ZNF556: variants seen among roughly 807,000 people sequenced by gnomAD.
The protein encoded by ZNF556 is zinc finger protein 556.
A neutral mutation model predicts 13.6 loss-of-function variants in ZNF556; 11 were observed. That is an observed-to-expected ratio of 0.81 (90% CI 0.51 to 1.33). ZNF556 has a LOEUF of 1.33. ZNF556 is among the 40% of genes most tolerant of loss of function. The pLI, the probability that ZNF556 is intolerant of heterozygous loss-of-function variation, is 0.00. For missense variants in ZNF556, 633 were observed against 566.2 expected (o/e 1.12, Z -1.20); for synonymous variants, 229 against 207.8 (o/e 1.10, Z -0.88).
Position 2,877,902 on chromosome 19 carries a change from A to T in ZNF556, c.944A>T (p.Tyr315Phe). 2 of 1,614,162 alleles carry T rather than the reference A, an allele frequency of 1.2e-6. No individual in the cohort carries two copies. The highest frequency in any genetic ancestry group is 1.7e-6 in the Non-Finnish European group (2 of 1,180,030). The change falls in exon 4 of 4, where the codon TAT becomes TTT. Residue 315 changes from tyrosine (Y) to phenylalanine (F), a missense_variant. Tyr to Phe is a conservative substitution (Grantham distance 22). Coordinates refer to ENST00000307635, the MANE Select transcript of ZNF556 (RefSeq NM_024967.3). ...AGAATTCACAACGGGGAGAAACCCT[A>T]TAAGTGTGGAAAATGCGGGAAAGCA... is the stretch of plus-strand genomic sequence containing the variant. ...HVRIHNGEKP[Y>F]KCGKCGKAFG...
rs758094142 is a variant in ZNF556, at chr19:2,883,199, A to C, written c.*4870A>C. 6.6e-6 allele frequency: 1 copy of C among 152,200 alleles called. No individual in the cohort carries two copies. The highest frequency in any genetic ancestry group is 1.5e-5 in the Non-Finnish European group (1 of 68,028). 9.4% of individuals were successfully genotyped at this position (152,200 alleles called of 1,614,324 possible). ...CGGTGAGAGAACTAGTCAAGGAATA[A>C]CTGAAGTGAGCTGCAGACAGGATTA... On this transcript the variant is annotated 3_prime_UTR_variant, in exon 4 of 4. Coordinates refer to ENST00000307635, the MANE Select transcript of ZNF556 (RefSeq NM_024967.3).
intron 2 of ZNF556, among the ~76,000 whole-genome samples, 168 bp downstream of exon 2, chr19:2,873,790 CA>C (rs373285544): frequency 5.4e-5 from 8 of 147,876 alleles, no homozygotes; most frequent in East Asian, 2.0e-4. Flanking sequence ...CTTGTCTCTA[CA>C]AAAAAAAAAT....
rs556087326 is a variant in ZNF556, at chr19:2,878,436, C to T, written c.*107C>T. On this transcript the variant is annotated 3_prime_UTR_variant, in exon 4 of 4. Transcript: ENST00000307635. Reference sequence around the variant, plus strand: ...CTGTAATCCCAGCACTTTGGGAGGCCGAGGCAGGCGGATCACGAGGTCAGG... The same window carrying T: ...CTGTAATCCCAGCACTTTGGGAGGCTGAGGCAGGCGGATCACGAGGTCAGG... The T allele has an allele frequency of 2.3e-4, 253 of 1,121,800 alleles. 1 individual carries two copies. The highest frequency in any genetic ancestry group is 2.8e-4 in the Non-Finnish European group (220 of 787,856). 69.5% of individuals were successfully genotyped at this position (1,121,800 alleles called of 1,614,324 possible). A position where few individuals can be genotyped will look rare whatever the true frequency, so the allele number is the denominator to read the frequency against.
Position 2,881,010 on chromosome 19 carries a change from G to C in ZNF556, c.*2681G>C, listed in dbSNP as rs1456230417. 6.6e-6 allele frequency: 1 copy of C among 151,146 alleles called. No homozygotes were observed. The allele number at this position is 151,146 out of a possible 1,614,324, so 9.4% of individuals were successfully genotyped here. A position where few individuals can be genotyped will look rare whatever the true frequency, so the allele number is the denominator to read the frequency against. On this transcript the variant is annotated 3_prime_UTR_variant, in exon 4 of 4. Coordinates refer to ENST00000307635, the MANE Select transcript of ZNF556 (RefSeq NM_024967.3). ...AGCCTCCTGAAGAGCTGGGATTACAGGCACCCGCCACCACACCCGGCTAAT... is the reference window on the plus strand; with the variant it reads ...AGCCTCCTGAAGAGCTGGGATTACACGCACCCGCCACCACACCCGGCTAAT...
chr19:2,877,599 G>A lies in ZNF556; in HGVS notation c.641G>A (p.Arg214His), dbSNP rs61033781. The A allele has an allele frequency of 1.9e-3, 3,083 of 1,614,164 alleles. 32 individuals are homozygous for A. The African/African-American group carries it at 0.025, about 13-fold the overall frequency. ...ACQSCGKTFL[R>H]SHSLTEHVRT... ...CAATCTTGCGGGAAGACATTTCTTC[G>A]TTCCCACTCTCTCACTGAACATGTA... The change falls in exon 4 of 4, where the codon CGT (arginine) becomes CAT (histidine). Residue 214 changes from arginine (R) to histidine (H), a missense_variant. By Grantham distance (29) the Arg-to-His change is conservative. Coordinates refer to ENST00000307635, the MANE Select transcript of ZNF556 (RefSeq NM_024967.3).
At chr19:2,868,714 C>G (rs1453339539) in intron 1 of ZNF556, among the ~76,000 whole-genome samples, 2 of 123,538 alleles carry the variant, frequency 1.6e-5, no homozygotes, top group Non-Finnish European at 3.3e-5. Flanking sequence ...GCCACCATGA[C>G]TAGCTAATTT....
rs1436170722 is a variant in ZNF556, at chr19:2,877,972, T to G, written c.1014T>G (p.Ala338=). Residue 338 remains alanine, a synonymous_variant, in exon 4 of 4, where the codon GCT becomes GCG. Transcript: ENST00000307635. The part of the protein sequence containing the change: ...SSLHKHARTH[A]KKKPVSGGSV... ...TACACAAACACGCGAGAACGCATGCTAAAAAGAAACCTGTGAGTGGGGGCA... is the reference window on the plus strand; with the variant it reads ...TACACAAACACGCGAGAACGCATGCGAAAAAGAAACCTGTGAGTGGGGGCA... 6.2e-7 allele frequency: 1 copy of G among 1,613,884 alleles called. No individual in the cohort carries two copies. Among genetic ancestry groups the G allele is most frequent in the Non-Finnish European group, 8.5e-7 (1 of 1,179,996 alleles).
intron 1 of ZNF556, among the ~76,000 whole-genome samples, chr19:2,873,096 G>A (rs2087818819): frequency 6.8e-6 from 1 of 148,102 alleles, no homozygotes; most frequent in African/African-American, 2.5e-5. Context: ...TCGCCCTACT[G>A]CACTCCAGCC....
chr19:2,874,393 C>T (rs182399751), intron 2 of ZNF556, among the ~76,000 whole-genome samples: 2 of 152,216 alleles, frequency 1.3e-5, no homozygotes, highest in East Asian at 3.9e-4. Flanking sequence ...TCAGTAGCTT[C>T]TCTGTGATAA....
Position 2,877,895 on chromosome 19 carries a change from A to T in ZNF556, c.937A>T (p.Lys313Ter), listed in dbSNP as rs952850795. ...ACACGTGAGAATTCACAACGGGGAG[A>T]AACCCTATAAGTGTGGAAAATGCGG... ...QRHVRIHNGE[K>*]PYKCGKCGKA... Residue 313 changes from lysine (K) to a stop codon, truncating the protein, a stop_gained, in exon 4 of 4, where the codon AAA becomes TAA. Coordinates refer to ENST00000307635, the MANE Select transcript of ZNF556 (RefSeq NM_024967.3). LOFTEE classifies it low-confidence loss of function (END_TRUNC). 3.1e-6 allele frequency: 5 copies of T among 1,614,178 alleles called. No homozygotes were observed. Among genetic ancestry groups the T allele is most frequent in the Non-Finnish European group, 4.2e-6 (5 of 1,180,020 alleles).
chr19:2,870,403 C>T (rs1353398788), intron 1 of ZNF556, among the ~76,000 whole-genome samples: 2 of 152,048 alleles, frequency 1.3e-5, no homozygotes, highest in African/African-American at 4.8e-5. Flanking sequence ...GGCGAGTTCT[C>T]ATTGCGCCAT....
chr19:2,869,745 G>A (rs997910840), intron 1 of ZNF556, among the ~76,000 whole-genome samples: 3 of 152,210 alleles, frequency 2.0e-5, no homozygotes, highest in Admixed American at 1.3e-4. Context: ...CATCTAGTGC[G>A]GCTTTCGCCT....
chr19:2,875,146 AC>A (rs2087840115), intron 2 of ZNF556: 1 of 152,404 alleles, frequency 6.6e-6, no homozygotes, highest in African/African-American at 2.4e-5. Flanking sequence ...CATGTCTCTT[AC>A]CCAAATAGAA....
intron 1 of ZNF556, among the ~76,000 whole-genome samples, chr19:2,873,158 TAA>T (rs1277676859): frequency 6.6e-6 from 1 of 151,730 alleles, no homozygotes; most frequent in Admixed American, 6.6e-5. Context: ...TGAAATGTAC[TAA>T]GAGTGTAAAT....
intron 2 of ZNF556, among the ~76,000 whole-genome samples, chr19:2,874,404 T>C (rs1336787435): frequency 2.0e-5 from 3 of 152,064 alleles, no homozygotes; most frequent in Non-Finnish European, 4.4e-5. Flanking sequence ...TCTGTGATAA[T>C]AAAAATCTAC....
intron 3 of ZNF556, 138 bp from the exon 4 acceptor site, chr19:2,877,135 G>C: frequency 1.6e-6 from 1 of 641,228 alleles, no homozygotes; most frequent in Non-Finnish European, 2.6e-6. Context: ...GTTTGAACCT[G>C]GGAGGCAGAG....
chr19:2,872,768 G>A (rs1464051516), intron 1 of ZNF556, among the ~76,000 whole-genome samples: 6 of 149,844 alleles, frequency 4.0e-5, no homozygotes, highest in Admixed American at 6.7e-5. Flanking sequence ...GCAATGAGCC[G>A]GGATCGCGCC....
chr19:2,873,133 CA>C (rs370704982), intron 1 of ZNF556, among the ~76,000 whole-genome samples: 157 of 142,428 alleles, frequency 1.1e-3, no homozygotes, highest in African/African-American at 3.3e-3. Context: ...GACTCCGTCT[CA>C]AAAAAAAAAA....
In ZNF556 at chr19:2,867,402, A is replaced by T; in HGVS notation, c.-20A>T. 1.3e-6 allele frequency: 2 copies of T among 1,581,910 alleles called. No individual in the cohort carries two copies. Among genetic ancestry groups the T allele is most frequent in the Non-Finnish European group, 1.7e-6 (2 of 1,165,174 alleles). On this transcript the variant is annotated 5_prime_UTR_variant, in exon 1 of 4. Coordinates refer to ENST00000307635, the MANE Select transcript of ZNF556 (RefSeq NM_024967.3). ...GCGAGGAGCAGGGAGCTCCTCAAAG[A>T]GCTCAGGAACGGACAGGACATGGTG...
Sources: gnomAD v4.1 joint callset for allele counts (sites outside exome capture counted in the v4.1 genomes callset) on GRCh38, gnomAD v4.1.1 for gene constraint, MANE v1.5 for transcripts, NCBI Gene and HGNC (gene_info 2026-07-23, HGNC 2026-07-21) for gene names.